GLCCI1: variants seen among roughly 807,000 people sequenced by gnomAD.
GLCCI1 encodes glucocorticoid-induced transcript 1 protein.
A neutral mutation model predicts 52.2 loss-of-function variants in GLCCI1; 24 were observed. That is an observed-to-expected ratio of 0.46 (90% CI 0.33 to 0.65). GLCCI1 has a LOEUF of 0.65. GLCCI1 is among the 30% of genes least tolerant of loss of function. The probability of loss-of-function intolerance (pLI) is 0.02; values close to 1 mark genes in which losing one functional copy is unlikely to be tolerated. For missense variants in GLCCI1, 704 were observed against 701.5 expected (o/e 1.00, Z -0.04); for synonymous variants, 310 against 276.5 (o/e 1.12, Z -1.20).
At chr7:8,021,083 T>C (rs778951641) in intron 2 of GLCCI1, among the ~76,000 whole-genome samples, 1 of 152,244 alleles carries the variant, frequency 6.6e-6, no homozygotes, top group African/African-American at 2.4e-5. Context: ...CAGTTTATTT[T>C]TGTGTTTATT....
At chr7:7,981,802 G>C in intron 1 of GLCCI1, 1 of 411,412 alleles carries the variant, frequency 2.4e-6, no homozygotes. Context: ...ATCTAATTTG[G>C]TTCTGAAAGA....
At chr7:8,061,259 C>T (rs1215436784) in intron 5 of GLCCI1, among the ~76,000 whole-genome samples, 4 of 151,904 alleles carry the variant, frequency 2.6e-5, no homozygotes, top group Admixed American at 2.6e-4. Context: ...GCCACCACAC[C>T]CGGCTAATTT....
intron 2 of GLCCI1, among the ~76,000 whole-genome samples, chr7:8,016,288 T>C (rs1386303012): frequency 6.6e-6 from 1 of 152,066 alleles, no homozygotes; most frequent in Non-Finnish European, 1.5e-5. Context: ...GCTAACATGG[T>C]GAAACCCCGT....
intron 1 of GLCCI1, among the ~76,000 whole-genome samples, chr7:7,975,471 AG>A (rs1780444697): frequency 6.6e-6 from 1 of 152,236 alleles, no homozygotes; most frequent in African/African-American, 2.4e-5. Flanking sequence ...GCAAGGATTT[AG>A]GATGTGGATC....
intron 1 of GLCCI1, among the ~76,000 whole-genome samples, chr7:7,972,164 C>A (rs986685676): frequency 2.6e-5 from 4 of 152,170 alleles, no homozygotes; most frequent in African/African-American, 9.7e-5. Context: ...CTGTAAGGTT[C>A]TGACTTGAGT....
intron 3 of GLCCI1, among the ~76,000 whole-genome samples, chr7:8,023,140 C>T (rs1385428220): frequency 1.3e-5 from 2 of 152,110 alleles, no homozygotes; most frequent in Admixed American, 6.5e-5. Context: ...CTCAGCCTCC[C>T]GAGTAGCTGG....
chr7:8,002,483 A>G (rs1269199094), intron 1 of GLCCI1, among the ~76,000 whole-genome samples: 1 of 152,188 alleles, frequency 6.6e-6, no homozygotes, highest in East Asian at 1.9e-4. Context: ...GATAAAGAGG[A>G]AATCTGGTAA....
intron 3 of GLCCI1, among the ~76,000 whole-genome samples, chr7:8,050,153 A>C (rs1782225283): frequency 6.6e-6 from 1 of 152,114 alleles, no homozygotes; most frequent in African/African-American, 2.4e-5. Context: ...GTAGGCAAGC[A>C]TGTCTGTTTG....
intron 3 of GLCCI1, among the ~76,000 whole-genome samples, chr7:8,030,536 A>G (rs1781722948): frequency 6.6e-6 from 1 of 152,164 alleles, no homozygotes; most frequent in Non-Finnish European, 1.5e-5. Flanking sequence ...AAATGGAAAA[A>G]TGGGATGACA....
At chr7:8,052,126 G>A (rs1226554606) in intron 3 of GLCCI1, among the ~76,000 whole-genome samples, 7 of 151,852 alleles carry the variant, frequency 4.6e-5, no homozygotes, top group Non-Finnish European at 7.4e-5. Context: ...TTTTTAAAGG[G>A]CAGTGTCTTT....
At chr7:8,052,030 G>A (rs991370077) in intron 3 of GLCCI1, among the ~76,000 whole-genome samples, 2 of 152,098 alleles carry the variant, frequency 1.3e-5, no homozygotes, top group African/African-American at 2.4e-5. Context: ...TCCTGGGCAG[G>A]TACTACCCTA....
At position 7,969,799 on chromosome 7, in the gene GLCCI1, T is replaced by G. The variant is rs760346550; in HGVS notation, c.449T>G (p.Val150Gly). 1 of 1,470,436 alleles carries G rather than the reference T, an allele frequency of 6.8e-7. No homozygotes were observed. Among genetic ancestry groups the G allele is most frequent in the Admixed American group, 2.2e-5 (1 of 45,404 alleles). The allele number at this position is 1,470,436 out of a possible 1,614,324, so 91.1% of individuals were successfully genotyped here. Residue 150 changes from valine to glycine, a missense_variant, in exon 1 of 8, where the codon GTG becomes GGG. Physicochemically the swap from Val to Gly is moderately radical, Grantham distance 109. Around this residue, in one of 3 missense-constraint regions of GLCCI1, gnomAD observed 547 missense variants for 524.8 expected, o/e 1.04. Coordinates refer to ENST00000223145, the MANE Select transcript of GLCCI1 (RefSeq NM_138426.4). The surrounding 1 kb of genome is among the most constrained non-coding windows in gnomAD (Gnocchi z 4.9). ...SPERRSPGSPVCRADKAKSQQ... is the reference protein window; with the variant it reads ...SPERRSPGSPGCRADKAKSQQ... ...GAGAGACGGAGCCCCGGCTCGCCCG[T>G]GTGCAGAGGTAGCGAGCCCAACCCT... is the stretch of plus-strand genomic sequence containing the variant.
chr7:8,013,204 A>G lies in GLCCI1; in HGVS notation c.609+9145A>G, dbSNP rs76867585. Among the ~76,000 whole-genome samples, 982 of 152,242 alleles carry G rather than the reference A, an allele frequency of 6.5e-3. 9 individuals are homozygous for G. Among genetic ancestry groups the G allele is most frequent in the African/African-American group, 0.023 (938 of 41,550 alleles). ...CAAGTTAAAAAATTTCATTTAAACT[A>G]TATTTTCTTTTAATAGTTTTATGTT... On this transcript the variant is annotated intron_variant, in intron 2 of 7. Coordinates refer to ENST00000223145, the MANE Select transcript of GLCCI1 (RefSeq NM_138426.4).
chr7:8,026,165 G>C (rs1781615649), intron 3 of GLCCI1, among the ~76,000 whole-genome samples: 1 of 152,082 alleles, frequency 6.6e-6, no homozygotes. Context: ...GTTTCTATTT[G>C]ACTGATATTA....
chr7:8,027,045 A>C (rs1288696288), intron 3 of GLCCI1, among the ~76,000 whole-genome samples: 1 of 152,344 alleles, frequency 6.6e-6, no homozygotes, highest in Non-Finnish European at 1.5e-5. Context: ...GACTGTGAAG[A>C]CTACAATAAA....
At position 8,086,054 on chromosome 7, in the gene GLCCI1, T is replaced by G; in HGVS notation, c.1299-139T>G. On this transcript the variant is annotated intron_variant, in intron 7 of 7. Coordinates refer to ENST00000223145, the MANE Select transcript of GLCCI1 (RefSeq NM_138426.4). The surrounding 1 kb of genome is among the most constrained non-coding windows in gnomAD (Gnocchi z 4.4). ...GCCAGCTGACTTGTGCTATGGAAGA[T>G]GTTTACCCCTCTGTATACACTTAAC... is the stretch of plus-strand genomic sequence containing the variant. The G allele has an allele frequency of 4.5e-6, 3 of 672,522 alleles. No individual in the cohort carries two copies. The Admixed American group carries it at 8.3e-5, about 19-fold the overall frequency. 41.7% of individuals were successfully genotyped at this position (672,522 alleles called of 1,614,324 possible).
intron 4 of GLCCI1, among the ~76,000 whole-genome samples, chr7:8,058,809 T>A (rs993074473): frequency 6.6e-6 from 1 of 152,180 alleles, no homozygotes; most frequent in Non-Finnish European, 1.5e-5. Context: ...AACTTTTGGG[T>A]TCCCAAAAAC....
chr7:8,086,211 G>C lies in GLCCI1; in HGVS notation c.1317G>C (p.Ser439=), dbSNP rs774016200. The C allele has an allele frequency of 1.2e-6, 2 of 1,613,148 alleles. No homozygotes were observed. The highest frequency in any genetic ancestry group is 4.5e-5 in the East Asian group (2 of 44,878). The part of the protein sequence containing the change: ...FEEMASRQPI[S]APLFSCPDKN... ...GTTTTAGGTCTCGTCAGCCTATCTC[G>C]GCCCCTCTCTTTTCATGTCCTGACA... The change falls in exon 8 of 8, where the codon TCG becomes TCC. Residue 439 remains serine, a synonymous_variant. Transcript: ENST00000223145. This position sits in a 1 kb window ranked among gnomAD's most constrained non-coding sequence, Gnocchi z 4.4.
chr7:8,010,834 G>T (rs1379824434), intron 2 of GLCCI1, among the ~76,000 whole-genome samples: 1 of 152,040 alleles, frequency 6.6e-6, no homozygotes, highest in African/African-American at 2.4e-5. Flanking sequence ...CACAGAGATG[G>T]AATCATACTT....
Sources: gnomAD v4.1 joint callset for allele counts (sites outside exome capture counted in the v4.1 genomes callset) on GRCh38, gnomAD v4.1.1 for gene constraint, gnomAD v4.1.1 regional missense constraint, Gnocchi (gnomAD v3.1) non-coding constraint, MANE v1.5 for transcripts, NCBI Gene and HGNC (gene_info 2026-07-23, HGNC 2026-07-21) for gene names.